FSTL5: variants seen among roughly 807,000 people sequenced by gnomAD.
FSTL5 encodes the protein follistatin like 5, also known as follistatin-related protein 5.
FSTL5 carries 62 observed loss-of-function variants against 89.1 expected under a neutral mutation model. The observed-to-expected ratio is 0.70, with a 90% CI of 0.57 to 0.86. The LOEUF is 0.86. FSTL5 is among the 40% of genes least tolerant of loss of function. The pLI is 0.00. For synonymous variants in FSTL5, 383 were observed against 346.2 expected (o/e 1.11, Z -1.18); for missense variants, 1,057 against 1,001.6 (o/e 1.06, Z -0.75).
chr4:161,691,307 T>C (rs1010556804), intron 6 of FSTL5, among the ~76,000 whole-genome samples: 3 of 152,152 alleles, frequency 2.0e-5, no homozygotes, highest in African/African-American at 4.8e-5. Context: ...ATTTCTCTTA[T>C]TGAATACTCT....
At chr4:161,476,779 G>A (rs1734165979) in intron 13 of FSTL5, among the ~76,000 whole-genome samples, 1 of 152,168 alleles carries the variant, frequency 6.6e-6, no homozygotes, top group Non-Finnish European at 1.5e-5. Flanking sequence ...CAAAGGAAGA[G>A]GAGCTTGCAA....
chr4:161,929,780 T>C (rs1371873), intron 3 of FSTL5, among the ~76,000 whole-genome samples: 77,897 of 150,710 alleles, frequency 0.52, 20,477 homozygotes, highest in Middle Eastern at 0.66. Flanking sequence ...ATCAAAAGTG[T>C]CACCATTCTG....
At position 161,530,279 on chromosome 4, in the gene FSTL5, T is replaced by A. The variant is rs1731363554; in HGVS notation, c.1312+7887A>T. Reference sequence around the variant, plus strand: ...TCATAACTATTCATATGTTTTTCAATTTTTTTTCAAGATAGTTGGAAACAA... The same window carrying A: ...TCATAACTATTCATATGTTTTTCAAATTTTTTTCAAGATAGTTGGAAACAA... On this transcript the variant is annotated intron_variant, in intron 10 of 15. Coordinates refer to ENST00000306100, the MANE Select transcript of FSTL5 (RefSeq NM_020116.5). Among the ~76,000 whole-genome samples the A allele has an allele frequency of 2.1e-5, 3 of 141,928 alleles. No individual in the cohort carries two copies. In the South Asian group the frequency reaches 7.4e-4, roughly 35 times the overall value. The allele number at this position is 141,928 out of a possible 152,430, so 93.1% of individuals were successfully genotyped here.
At chr4:161,424,968 T>C (rs1285736102) in intron 15 of FSTL5, among the ~76,000 whole-genome samples, 1 of 152,230 alleles carries the variant, frequency 6.6e-6, no homozygotes, top group Admixed American at 6.5e-5. Flanking sequence ...TGTTTTCTTG[T>C]TCCCACCTTA....
At chr4:161,762,832 G>A (rs528654437) in intron 5 of FSTL5, among the ~76,000 whole-genome samples, 159 of 152,168 alleles carry the variant, frequency 1.0e-3, no homozygotes, top group African/African-American at 3.5e-3. Context: ...CTGATCAGAA[G>A]TCAAGTTATA....
Position 161,738,918 on chromosome 4 carries a change from TA to T in FSTL5, c.727+20492del, listed in dbSNP as rs550627055. On this transcript the variant is annotated intron_variant, in intron 6 of 15. Transcript: ENST00000306100. The stretch of plus-strand genomic sequence containing the variant: ...ACACTGATTGCAATCAAGCTCTTTT[TA>T]AAGTGCTTTATTATTTCTAAAATTT... Among the ~76,000 whole-genome samples the T allele has an allele frequency of 6.4e-3, 982 of 152,340 alleles. 4 individuals carry two copies. Among genetic ancestry groups the T allele is most frequent in the Non-Finnish European group, 0.011 (745 of 68,012 alleles).
At chr4:161,569,429 G>C (rs1451485825) in intron 8 of FSTL5, among the ~76,000 whole-genome samples, 1 of 152,082 alleles carries the variant, frequency 6.6e-6, no homozygotes, top group Non-Finnish European at 1.5e-5. Context: ...CAAGAAAAAA[G>C]TGTCTTATTT....
chr4:162,130,574 G>A (rs1228495614), intron 1 of FSTL5, among the ~76,000 whole-genome samples: 1 of 152,076 alleles, frequency 6.6e-6, no homozygotes, highest in East Asian at 1.9e-4. Context: ...CTGCATTAGG[G>A]CAAAGAAAAC....
chr4:161,439,664 T>G (rs2126363940), intron 15 of FSTL5, among the ~76,000 whole-genome samples: 1 of 152,230 alleles, frequency 6.6e-6, no homozygotes, highest in East Asian at 1.9e-4. Context: ...CATCAAGAAT[T>G]AGAATCTTTG....
chr4:161,788,734 T>G (rs141002944), intron 4 of FSTL5, among the ~76,000 whole-genome samples: 1 of 152,178 alleles, frequency 6.6e-6, no homozygotes, highest in African/African-American at 2.4e-5. Flanking sequence ...TCTCCAAAAA[T>G]AATATTTTAA....
At chr4:161,679,970 CA>C (rs1737460563) in intron 6 of FSTL5, among the ~76,000 whole-genome samples, 1 of 151,578 alleles carries the variant, frequency 6.6e-6, no homozygotes, top group Non-Finnish European at 1.5e-5. Context: ...TTTTATATTC[CA>C]AAAAGTACAA....
At chr4:161,815,283 G>T (rs545936354) in intron 4 of FSTL5, among the ~76,000 whole-genome samples, 123 of 151,952 alleles carry the variant, frequency 8.1e-4, no homozygotes, top group Middle Eastern at 6.9e-3. Context: ...ACAGCATATT[G>T]TTTACAATAT....
At chr4:161,695,219 T>TC (rs1560794378) in intron 6 of FSTL5, among the ~76,000 whole-genome samples, 1 of 151,934 alleles carries the variant, frequency 6.6e-6, no homozygotes. Flanking sequence ...TCCCAGCCTT[T>TC]CCCCCGAGTC....
chr4:161,556,189 G>GTA (rs1426112649), intron 8 of FSTL5, among the ~76,000 whole-genome samples: 8 of 151,454 alleles, frequency 5.3e-5, no homozygotes, highest in Admixed American at 1.3e-4. Flanking sequence ...TAGTGTGTTT[G>GTA]TATATATATA....
At chr4:162,099,780 A>C (rs975627355) in intron 2 of FSTL5, among the ~76,000 whole-genome samples, 2 of 152,244 alleles carry the variant, frequency 1.3e-5, no homozygotes, top group South Asian at 4.1e-4. Flanking sequence ...AACAGACACT[A>C]TCTTCAAAGA....
chr4:162,113,376 C>T (rs978076591), intron 1 of FSTL5, among the ~76,000 whole-genome samples: 2 of 152,166 alleles, frequency 1.3e-5, no homozygotes, highest in Admixed American at 6.5e-5. Context: ...TCCAAATTGA[C>T]GGTCCCCACT....
At chr4:161,664,036 G>C (rs1253720595) in intron 6 of FSTL5, among the ~76,000 whole-genome samples, 1 of 152,162 alleles carries the variant, frequency 6.6e-6, no homozygotes, top group African/African-American at 2.4e-5. Context: ...AGAGCAACAA[G>C]TCCCTAGGCT....
intron 7 of FSTL5, among the ~76,000 whole-genome samples, chr4:161,625,310 T>C (rs1013315636): frequency 5.9e-5 from 9 of 152,146 alleles, no homozygotes; most frequent in Non-Finnish European, 1.2e-4. Context: ...CCATTTTTCC[T>C]ACAGTATGTG....
At chr4:161,916,013 A>T (rs1273789441) in intron 4 of FSTL5, among the ~76,000 whole-genome samples, 1 of 152,122 alleles carries the variant, frequency 6.6e-6, no homozygotes, top group Non-Finnish European at 1.5e-5. Context: ...TTCTTAAAAA[A>T]AAAAGAAAGA....
Sources: gnomAD v4.1 joint callset for allele counts (sites outside exome capture counted in the v4.1 genomes callset) on GRCh38, gnomAD v4.1.1 for gene constraint, MANE v1.5 for transcripts, NCBI Gene and HGNC (gene_info 2026-07-23, HGNC 2026-07-21) for gene names.